RGS9: variants seen among roughly 807,000 people sequenced by gnomAD.
The protein encoded by RGS9 is regulator of G protein signaling 9, also known as regulator of G-protein signalling 9.
A neutral mutation model predicts 102.0 loss-of-function variants in RGS9; 78 were observed. The observed-to-expected ratio is 0.76, with a 90% CI of 0.64 to 0.92. The LOEUF is 0.92. RGS9 is among the 40% of genes least tolerant of loss of function. RGS9 has a pLI of 0.00. For missense variants in RGS9, 833 were observed against 866.1 expected (o/e 0.96, Z 0.48); for synonymous variants, 353 against 318.6 (o/e 1.11, Z -1.15).
chr17:65,227,544 G>A lies in RGS9; in HGVS notation c.*137G>A. 1 of 1,233,550 alleles carries A rather than the reference G, an allele frequency of 8.1e-7. No homozygotes were observed. Among genetic ancestry groups the A allele is most frequent in the Non-Finnish European group, 1.1e-6 (1 of 872,580 alleles). 76.4% of individuals were successfully genotyped at this position (1,233,550 alleles called of 1,614,324 possible). A position where few individuals can be genotyped will look rare whatever the true frequency, so the allele number is the denominator to read the frequency against. On this transcript the variant is annotated 3_prime_UTR_variant, in exon 19 of 19. Coordinates refer to ENST00000262406, the MANE Select transcript of RGS9 (RefSeq NM_003835.4). ...ATTTGAAGATTGGGGAGACAAGATG[G>A]GGTAGATTGTGGCAAAGAATGCTCT...
chr17:65,198,545 T>TG (rs1567884613), intron 13 of RGS9, among the ~76,000 whole-genome samples: 3 of 152,228 alleles, frequency 2.0e-5, no homozygotes, highest in African/African-American at 7.2e-5. Context: ...CGTGAGCCAC[T>TG]GCACCAGGAC....
intron 11 of RGS9, among the ~76,000 whole-genome samples, chr17:65,191,302 T>A (rs1179469253): frequency 6.6e-6 from 1 of 152,186 alleles, no homozygotes; most frequent in Non-Finnish European, 1.5e-5. Context: ...AGTTTCCAAT[T>A]TTTATTTGTC....
intron 4 of RGS9, 35 bp from the exon 5 acceptor site, chr17:65,160,501 G>C: frequency 6.2e-7 from 1 of 1,613,942 alleles, no homozygotes; most frequent in South Asian, 1.1e-5. Flanking sequence ...TCACAATCCA[G>C]TTTTAAAGCG....
chr17:65,206,923 C>T (rs1442139797), intron 15 of RGS9, among the ~76,000 whole-genome samples: 3 of 152,210 alleles, frequency 2.0e-5, no homozygotes, highest in African/African-American at 7.2e-5. Flanking sequence ...ATAACTTTTA[C>T]TGCTCCCACT....
Position 65,202,032 on chromosome 17 carries a change from A to C in RGS9, c.1016A>C (p.Lys339Thr). Residue 339 changes from lysine (K) to threonine (T), a missense_variant, in exon 14 of 19, where the codon AAG (lysine) becomes ACG (threonine). By Grantham distance (78) the Lys-to-Thr change is moderately conservative. Around this residue, in one of 3 missense-constraint regions of RGS9, gnomAD observed 185 missense variants for 248.7 expected, o/e 0.74. Coordinates refer to ENST00000262406, the MANE Select transcript of RGS9 (RefSeq NM_003835.4). ...LGFWEACEDL[K>T]YGDQSKVKEK... Reference sequence around the variant, plus strand: ...TTCTGGGAAGCCTGCGAGGATCTGAAGTATGGAGATCAGTCCAAAGTCAAG... The same window carrying C: ...TTCTGGGAAGCCTGCGAGGATCTGACGTATGGAGATCAGTCCAAAGTCAAG... The C allele has an allele frequency of 6.2e-7, 1 of 1,613,846 alleles. No individual in the cohort carries two copies. The highest frequency in any genetic ancestry group is 8.5e-7 in the Non-Finnish European group (1 of 1,179,816).
At chr17:65,184,982 T>C (rs531132158) in intron 9 of RGS9, among the ~76,000 whole-genome samples, 1 of 152,128 alleles carries the variant, frequency 6.6e-6, no homozygotes, top group Admixed American at 6.6e-5. Flanking sequence ...CAATCCTCTG[T>C]CCTCAGCCTC....
In RGS9 at chr17:65,160,258, T is replaced by G; in HGVS notation, c.231T>G (p.Ile77Met). The G allele has an allele frequency of 6.2e-7, 1 of 1,614,176 alleles. No homozygotes were observed. The highest frequency in any genetic ancestry group is 1.1e-5 in the South Asian group (1 of 91,082). ...SLEAQNLGNF[I>M]VRYGYIYPLQ... ...AGGCACAGAACTTGGGCAACTTTAT[T>G]GTCAGGTATGGCTACATTTACCCCC... is the stretch of plus-strand genomic sequence containing the variant. Residue 77 changes from isoleucine to methionine, a missense_variant, in exon 4 of 19, where the codon ATT becomes ATG. Ile to Met is a conservative substitution (Grantham distance 10). Around this residue, in one of 3 missense-constraint regions of RGS9, gnomAD observed 328 missense variants for 340.6 expected, o/e 0.96. Coordinates refer to ENST00000262406, the MANE Select transcript of RGS9 (RefSeq NM_003835.4).
Position 65,205,363 on chromosome 17 carries a change from G to A in RGS9, c.1203+1062G>A, listed in dbSNP as rs1913012633. ...ATAGGTTATGTGATATAGGTTATATGAGATAGATTATGTGATATAGGTTAT... is the reference window on the plus strand; with the variant it reads ...ATAGGTTATGTGATATAGGTTATATAAGATAGATTATGTGATATAGGTTAT... On this transcript the variant is annotated intron_variant, in intron 15 of 18. Coordinates refer to ENST00000262406, the MANE Select transcript of RGS9 (RefSeq NM_003835.4). 2.0e-5 allele frequency among the ~76,000 whole-genome samples: 3 copies of A among 152,164 alleles called. No individual in the cohort carries two copies. In the South Asian group the frequency reaches 6.2e-4, roughly 31 times the overall value.
chr17:65,209,942 G>A (rs1304460846), intron 16 of RGS9, among the ~76,000 whole-genome samples: 1 of 152,136 alleles, frequency 6.6e-6, no homozygotes, highest in Admixed American at 6.5e-5. Flanking sequence ...GCCTGGTGTG[G>A]TAGTACATGC....
intron 16 of RGS9, among the ~76,000 whole-genome samples, chr17:65,209,745 C>G (rs968435112): frequency 2.0e-5 from 3 of 152,222 alleles, no homozygotes; most frequent in African/African-American, 7.2e-5. Context: ...TTTGGACAGT[C>G]CAGCTCTTTC....
intron 12 of RGS9, among the ~76,000 whole-genome samples, chr17:65,195,604 G>A (rs551975594): frequency 8.1e-4 from 123 of 152,140 alleles, no homozygotes; most frequent in African/African-American, 2.8e-3. Context: ...GAAGTGCATC[G>A]TGTCATTCAT....
At chr17:65,225,704 C>A in intron 18 of RGS9, 1 of 615,268 alleles carries the variant, frequency 1.6e-6, no homozygotes, top group South Asian at 2.0e-5. Context: ...CCTTCTTTTT[C>A]ATCTTCCAAA....
Position 65,153,428 on chromosome 17 carries a change from G to A in RGS9, c.64G>A (p.Ala22Thr), listed in dbSNP as rs762714250. ...PRMAFLQKIE[A>T]LVKDMQNPET... Reference sequence around the variant, plus strand: ...TTCCTGTTCTGTCTTGCAGATTGAAGCGCTCGTGAAGGACATGCAGAACCC... The same window carrying A: ...TTCCTGTTCTGTCTTGCAGATTGAAACGCTCGTGAAGGACATGCAGAACCC... Residue 22 changes from alanine (A) to threonine (T), a missense_variant, in exon 2 of 19, where the codon GCG (alanine) becomes ACG (threonine). By Grantham distance (58) the Ala-to-Thr change is moderately conservative (BLOSUM62 0). Coordinates refer to ENST00000262406, the MANE Select transcript of RGS9 (RefSeq NM_003835.4). 1.9e-6 allele frequency: 3 copies of A among 1,613,946 alleles called. No homozygotes were observed. Among genetic ancestry groups the A allele is most frequent in the Non-Finnish European group, 1.7e-6 (2 of 1,179,810 alleles).
chr17:65,150,607 G>C (rs917166670), intron 1 of RGS9, among the ~76,000 whole-genome samples: 91 of 152,278 alleles, frequency 6.0e-4, no homozygotes, highest in African/African-American at 2.0e-3. Flanking sequence ...GAGCAACAGA[G>C]AGAAACTCAG....
chr17:65,197,336 T>C (rs1232410581), intron 13 of RGS9, 95 bp downstream of exon 13: 4 of 840,832 alleles, frequency 4.8e-6, no homozygotes, highest in East Asian at 2.7e-5. Context: ...TCTCAGCAGA[T>C]GTTTTCAGAG....
chr17:65,225,781 G>A (rs1357568862), intron 18 of RGS9, among the ~76,000 whole-genome samples: 1 of 152,122 alleles, frequency 6.6e-6, no homozygotes, highest in African/African-American at 2.4e-5. Context: ...CCCATCCCAA[G>A]ACCGTTATTA....
At chr17:65,188,471 A>C (rs1009439796) in intron 9 of RGS9, among the ~76,000 whole-genome samples, 4 of 152,160 alleles carry the variant, frequency 2.6e-5, no homozygotes, top group Non-Finnish European at 5.9e-5. Flanking sequence ...ACATTGGTTT[A>C]GTTTTCAACT....
At chr17:65,156,621 G>A (rs749810086) in intron 2 of RGS9, among the ~76,000 whole-genome samples, 2 of 152,234 alleles carry the variant, frequency 1.3e-5, no homozygotes, top group African/African-American at 4.8e-5. Flanking sequence ...GGCTGTCAAC[G>A]TAGACCGCGT....
chr17:65,209,120 T>A (rs1451230265), intron 16 of RGS9, among the ~76,000 whole-genome samples: 3 of 152,182 alleles, frequency 2.0e-5, no homozygotes, highest in African/African-American at 7.2e-5. Context: ...GGGGCAGACG[T>A]GAGAATTCTC....
Sources: gnomAD v4.1 joint callset for allele counts (sites outside exome capture counted in the v4.1 genomes callset) on GRCh38, gnomAD v4.1.1 for gene constraint, gnomAD v4.1.1 regional missense constraint, MANE v1.5 for transcripts, NCBI Gene and HGNC (gene_info 2026-07-23, HGNC 2026-07-21) for gene names.